DOK6: variants seen among roughly 807,000 people sequenced by gnomAD.
The protein encoded by DOK6 is docking protein 6.
A neutral mutation model predicts 44.0 loss-of-function variants in DOK6; 22 were observed. That is an observed-to-expected ratio of 0.50 (90% confidence interval 0.36 to 0.71). The LOEUF is 0.71. Among genes scored for constraint, DOK6 ranks in the 30% least tolerant of loss-of-function variants. DOK6 has a pLI of 0.00. For synonymous variants in DOK6, 166 were observed against 145.5 expected (o/e 1.14, Z -1.01); for missense variants, 340 against 416.4 (o/e 0.82, Z 1.60).
intron 3 of DOK6, among the ~76,000 whole-genome samples, chr18:69,605,479 T>C (rs1983973933): frequency 6.6e-6 from 1 of 152,146 alleles, no homozygotes; most frequent in Admixed American, 6.6e-5. Context: ...TGTCTTTTCC[T>C]TGAGGTCTCT....
chr18:69,757,200 G>A (rs529913877), intron 6 of DOK6, among the ~76,000 whole-genome samples: 12 of 152,190 alleles, frequency 7.9e-5, no homozygotes, highest in South Asian at 2.1e-4. Context: ...CTATAACAGG[G>A]GCAAGGAAAA....
chr18:69,805,861 G>A (rs1199625925), intron 7 of DOK6, among the ~76,000 whole-genome samples: 1 of 151,874 alleles, frequency 6.6e-6, no homozygotes, highest in Non-Finnish European at 1.5e-5. Flanking sequence ...TAATATGAAT[G>A]GTGCCTATCC....
intron 1 of DOK6, among the ~76,000 whole-genome samples, chr18:69,416,778 G>C (rs1443227533): frequency 7.2e-5 from 11 of 152,140 alleles, no homozygotes. Flanking sequence ...ACAAATCCAA[G>C]GGACTGCATT....
At chr18:69,619,786 C>T (rs936849110) in intron 3 of DOK6, among the ~76,000 whole-genome samples, 1 of 152,088 alleles carries the variant, frequency 6.6e-6, no homozygotes, top group Non-Finnish European at 1.5e-5. Context: ...GTAGTGTGCA[C>T]CATAAACTTA....
chr18:69,627,422 C>T (rs1319737112), intron 3 of DOK6, among the ~76,000 whole-genome samples: 1 of 151,940 alleles, frequency 6.6e-6, no homozygotes, highest in Non-Finnish European at 1.5e-5. Context: ...AAATAATTCA[C>T]CTTCCTAAAC....
intron 6 of DOK6, among the ~76,000 whole-genome samples, chr18:69,740,676 G>A (rs1479662189): frequency 6.6e-6 from 1 of 152,128 alleles, no homozygotes; most frequent in Non-Finnish European, 1.5e-5. Context: ...TTTAACTCTG[G>A]TTTTCCTTTA....
At chr18:69,668,357 C>A (rs945635157) in intron 3 of DOK6, among the ~76,000 whole-genome samples, 1 of 152,056 alleles carries the variant, frequency 6.6e-6, no homozygotes, top group Non-Finnish European at 1.5e-5. Context: ...ACCTTACATA[C>A]CTTGTACTTT....
intron 5 of DOK6, among the ~76,000 whole-genome samples, chr18:69,699,924 G>A (rs915112886): frequency 6.6e-5 from 10 of 152,002 alleles, no homozygotes; most frequent in African/African-American, 2.2e-4. Context: ...ACAGTCCCAC[G>A]TGGCTAAGGA....
intron 1 of DOK6, among the ~76,000 whole-genome samples, chr18:69,535,222 A>G (rs920758692): frequency 1.3e-5 from 2 of 151,910 alleles, no homozygotes; most frequent in African/African-American, 4.8e-5. Flanking sequence ...AAAAATTTAT[A>G]TTTTCTTCAT....
intron 7 of DOK6, among the ~76,000 whole-genome samples, chr18:69,761,637 T>C (rs1469721351): frequency 6.6e-6 from 1 of 152,138 alleles, no homozygotes; most frequent in African/African-American, 2.4e-5. Context: ...GCTGCATCAG[T>C]TGGTGAAAGT....
chr18:69,537,858 A>G (rs1399173547), intron 1 of DOK6, among the ~76,000 whole-genome samples: 2 of 152,236 alleles, frequency 1.3e-5, no homozygotes, highest in African/African-American at 2.4e-5. Flanking sequence ...GTATATTGAC[A>G]TAACAGTCCA....
At chr18:69,620,193 AT>A in intron 3 of DOK6, among the ~76,000 whole-genome samples, 1 of 152,188 alleles carries the variant, frequency 6.6e-6, no homozygotes, top group South Asian at 2.1e-4. Context: ...CTATACTCAC[AT>A]AGTAATATGT....
intron 3 of DOK6, among the ~76,000 whole-genome samples, chr18:69,671,680 G>A (rs1454296867): frequency 1.3e-5 from 2 of 152,182 alleles, no homozygotes; most frequent in African/African-American, 4.8e-5. Flanking sequence ...ATCTAGCTAA[G>A]CAAGACTTAT....
chr18:69,480,684 G>A (rs1394936445), intron 1 of DOK6, among the ~76,000 whole-genome samples: 1 of 152,136 alleles, frequency 6.6e-6, no homozygotes, highest in Non-Finnish European at 1.5e-5. Context: ...GGTGTAGTGA[G>A]AAATGTCTTA....
At position 69,401,160 on chromosome 18, in the gene DOK6, GAGACCCGCGC is replaced by G; in HGVS notation, c.-77_-68del. 1.5e-6 allele frequency: 2 copies of G among 1,356,042 alleles called. No individual in the cohort carries two copies. Among genetic ancestry groups the G allele is most frequent in the Non-Finnish European group, 1.9e-6 (2 of 1,040,262 alleles). The allele number at this position is 1,356,042 out of a possible 1,614,324, so 84.0% of individuals were successfully genotyped here. A position where few individuals can be genotyped will look rare whatever the true frequency, so the allele number is the denominator to read the frequency against. The stretch of plus-strand genomic sequence containing the variant: ...CTGCTGGCGGCGGCCGGCTGGATGC[GAGACCCGCGC>G]AGACCCGGCGGCGGACGGCGGCTCT... On this transcript the variant is annotated 5_prime_UTR_variant, in exon 1 of 8. Coordinates refer to ENST00000382713, the MANE Select transcript of DOK6 (RefSeq NM_152721.6).
intron 4 of DOK6, among the ~76,000 whole-genome samples, chr18:69,696,655 G>A (rs1339746870): frequency 6.6e-6 from 1 of 152,212 alleles, no homozygotes; most frequent in African/African-American, 2.4e-5. Flanking sequence ...GGCCAAAGAA[G>A]AGAAGATTGA....
intron 1 of DOK6, among the ~76,000 whole-genome samples, chr18:69,442,089 G>A (rs954580166): frequency 2.0e-5 from 3 of 152,082 alleles, no homozygotes; most frequent in Non-Finnish European, 4.4e-5. Context: ...TAATTAATCA[G>A]TCTGTCTTTT....
intron 4 of DOK6, among the ~76,000 whole-genome samples, chr18:69,686,063 G>T (rs72963476): frequency 0.031 from 4,790 of 152,136 alleles, 128 homozygotes; most frequent in African/African-American, 0.071. Flanking sequence ...AATCCAATAT[G>T]ACTGGTGTCC....
chr18:69,728,354 T>G (rs1311526820), intron 5 of DOK6, among the ~76,000 whole-genome samples: 3 of 152,224 alleles, frequency 2.0e-5, no homozygotes, highest in Non-Finnish European at 4.4e-5. Flanking sequence ...CAGGTCCAGA[T>G]GGAACAAGGT....
Sources: gnomAD v4.1 joint callset for allele counts (sites outside exome capture counted in the v4.1 genomes callset) on GRCh38, gnomAD v4.1.1 for gene constraint, MANE v1.5 for transcripts, NCBI Gene and HGNC (gene_info 2026-07-23, HGNC 2026-07-21) for gene names.